RAB6A: variants seen among roughly 807,000 people sequenced by gnomAD.
RAB6A encodes RAB6A, member RAS oncogene family, also known as ras-related protein Rab-6A.
In RAB6A, 8 loss-of-function variants were observed where a neutral mutation model predicts 32.3. The ratio of observed to expected loss-of-function variants is 0.25; its 90% CI spans 0.15 to 0.45. The LOEUF is 0.45. Ranked by LOEUF, RAB6A falls within the 20% of genes least tolerant of loss-of-function variation. The pLI is 1.00. For synonymous variants in RAB6A, 73 were observed against 82.1 expected, an observed-to-expected ratio of 0.89 and a Z score of 0.60; for missense variants, 104 against 249.4, an observed-to-expected ratio of 0.42 and a Z score of 3.93.
chr11:73,745,361 T>G (rs1946570855), intron 1 of RAB6A, among the ~76,000 whole-genome samples: 1 of 152,226 alleles, frequency 6.6e-6, no homozygotes, highest in Non-Finnish European at 1.5e-5. Flanking sequence ...AGGCAGTTAA[T>G]GTGGTCCAGA....
intron 1 of RAB6A, among the ~76,000 whole-genome samples, chr11:73,752,535 G>T (rs757359023): frequency 7.9e-5 from 12 of 152,148 alleles, no homozygotes; most frequent in Non-Finnish European, 1.6e-4. Context: ...AAAATGATAA[G>T]AACTGGCACG....
At chr11:73,715,729 G>A (rs1946042021) in intron 5 of RAB6A, among the ~76,000 whole-genome samples, 1 of 152,142 alleles carries the variant, frequency 6.6e-6, no homozygotes, top group Admixed American at 6.5e-5. Flanking sequence ...CTTGAATATC[G>A]CTTTGCTCAT....
chr11:73,731,313 C>T (rs896171668), intron 1 of RAB6A, among the ~76,000 whole-genome samples: 8 of 151,856 alleles, frequency 5.3e-5, no homozygotes, highest in Non-Finnish European at 8.8e-5. Flanking sequence ...GGGAGGCCAA[C>T]GTGGGTGGAT....
At chr11:73,684,168 GTTTT>G in intron 6 of RAB6A, among the ~76,000 whole-genome samples, 1 of 144,432 alleles carries the variant, frequency 6.9e-6, no homozygotes, top group African/African-American at 2.6e-5. Context: ...ATACATTGTT[GTTTT>G]TTTTTTTTTT....
intron 2 of RAB6A, among the ~76,000 whole-genome samples, chr11:73,722,063 A>ATATATATATTTTTTTTT (rs1475291151): frequency 1.4e-5 from 2 of 146,166 alleles, no homozygotes; most frequent in Non-Finnish European, 1.6e-5. Context: ...CATGATTGTA[A>ATATATATATTTTTTTTT]GTTTCCTGAG....
chr11:73,689,706 C>T (rs1945514969), intron 6 of RAB6A, among the ~76,000 whole-genome samples: 1 of 152,174 alleles, frequency 6.6e-6, no homozygotes, highest in South Asian at 2.1e-4. Context: ...CCTTTCCAGA[C>T]CAAACCAATG....
At position 73,728,610 on chromosome 11, in the gene RAB6A, AAAT is replaced by A. The variant is rs71065031; in HGVS notation, c.129+2152_129+2154del. On this transcript the variant is annotated intron_variant, in intron 2 of 7. Coordinates refer to ENST00000336083, the MANE Select transcript of RAB6A (RefSeq NM_198896.2). Reference sequence around the variant, plus strand: ...CAACATAGCAAATCTGTCTTTGTTTAAATAATAATAATAATAATAATAATAATA... The same window carrying A: ...CAACATAGCAAATCTGTCTTTGTTTAAATAATAATAATAATAATAATAATA... Among the ~76,000 whole-genome samples the A allele has an allele frequency of 7.0e-3, 954 of 136,456 alleles. 13 individuals are homozygous for A. The highest frequency in any genetic ancestry group is 0.021 in the African/African-American group (791 of 37,076). The allele number at this position is 136,456 out of a possible 152,430, so 89.5% of individuals were successfully genotyped here.
chr11:73,720,538 A>C (rs895593650), intron 3 of RAB6A, among the ~76,000 whole-genome samples: 2 of 152,190 alleles, frequency 1.3e-5, no homozygotes, highest in Non-Finnish European at 2.9e-5. Context: ...GACAAAAAAA[A>C]TCTTGAAGTT....
Position 73,678,339 on chromosome 11 carries a change from G to A in RAB6A, c.563-377C>T, listed in dbSNP as rs547153016. ...TTAGTAAATAATGGGACTTCAGGCC[G>A]GGTGCCGTGGCTCATGCCTGTAATC... is the stretch of plus-strand genomic sequence containing the variant. On this transcript the variant is annotated intron_variant, in intron 7 of 7. Coordinates refer to ENST00000336083, the MANE Select transcript of RAB6A (RefSeq NM_198896.2). Among the ~76,000 whole-genome samples the A allele has an allele frequency of 1.4e-4, 21 of 152,324 alleles. 1 individual carries two copies. Among genetic ancestry groups the A allele is most frequent in the Non-Finnish European group, 2.1e-4 (14 of 68,030 alleles).
chr11:73,743,217 A>G (rs1294740882), intron 1 of RAB6A, among the ~76,000 whole-genome samples: 1 of 151,652 alleles, frequency 6.6e-6, no homozygotes, highest in Non-Finnish European at 1.5e-5. Context: ...AGGCAGGAGA[A>G]CTACTTGAAC....
chr11:73,760,046 A>C (rs1251789885), intron 1 of RAB6A: 1 of 1,288,422 alleles, frequency 7.8e-7, no homozygotes, highest in Non-Finnish European at 1.0e-6. Context: ...ACCCCTTCCC[A>C]CCTTCCACGA....
rs1946764013 is a variant in RAB6A, at chr11:73,757,106, T to TATAC, written c.70+3459_70+3460insGTAT. 1.8e-3 allele frequency among the ~76,000 whole-genome samples: 65 copies of TATAC among 37,048 alleles called. 1 individual carries two copies. In the South Asian group the frequency reaches 0.043, roughly 24 times the overall value. 24.3% of individuals were successfully genotyped at this position (37,048 alleles called of 152,430 possible). ...TATCTTAAATATACATACATATATA[T>TATAC]ATATATATATATATATATATATATT... On this transcript the variant is annotated intron_variant, in intron 1 of 7. Coordinates refer to ENST00000336083, the MANE Select transcript of RAB6A (RefSeq NM_198896.2).
chr11:73,705,582 T>C (rs1945826012), intron 6 of RAB6A, among the ~76,000 whole-genome samples: 1 of 151,754 alleles, frequency 6.6e-6, no homozygotes, highest in Non-Finnish European at 1.5e-5. Flanking sequence ...AGAAAATATA[T>C]ATAAGAAATA....
At chr11:73,742,979 T>C (rs1242618544) in intron 1 of RAB6A, among the ~76,000 whole-genome samples, 1 of 151,662 alleles carries the variant, frequency 6.6e-6, no homozygotes, top group Non-Finnish European at 1.5e-5. Flanking sequence ...AAAACAAATA[T>C]GCACACATAC....
intron 6 of RAB6A, among the ~76,000 whole-genome samples, chr11:73,705,404 C>T (rs779711412): frequency 1.8e-4 from 27 of 151,980 alleles, no homozygotes; most frequent in Non-Finnish European, 1.5e-4. Flanking sequence ...AAAAATTAGC[C>T]GGGAATGGTG....
intron 6 of RAB6A, among the ~76,000 whole-genome samples, chr11:73,702,640 G>C (rs565673316): frequency 1.7e-4 from 26 of 152,124 alleles, no homozygotes; most frequent in Non-Finnish European, 2.6e-4. Context: ...ATTACAGAGT[G>C]TATTCTCTGA....
chr11:73,710,446 G>A (rs371684771), intron 5 of RAB6A, among the ~76,000 whole-genome samples: 11 of 151,616 alleles, frequency 7.3e-5, no homozygotes, highest in Non-Finnish European at 1.3e-4. Context: ...ACTAAAAACA[G>A]TTAAGATCTA....
chr11:73,681,673 G>C (rs1945359892), intron 6 of RAB6A, among the ~76,000 whole-genome samples: 1 of 152,180 alleles, frequency 6.6e-6, no homozygotes, highest in South Asian at 2.1e-4. Context: ...GCCAGGCGTG[G>C]TAGCGCATGC....
intron 1 of RAB6A, among the ~76,000 whole-genome samples, chr11:73,742,479 G>A (rs1049064199): frequency 8.6e-5 from 13 of 151,790 alleles, no homozygotes; most frequent in Non-Finnish European, 1.2e-4. Flanking sequence ...AGATAAGAAA[G>A]ATACATAATG....
Sources: allele counts gnomAD v4.1 joint callset (sites outside exome capture counted in the v4.1 genomes callset), GRCh38; gene constraint gnomAD v4.1.1; transcripts MANE v1.5; gene names NCBI Gene and HGNC (gene_info 2026-07-23, HGNC 2026-07-21).